Variants in GPX6 observed in about 807,000 individuals in gnomAD.
GPX6 encodes the protein glutathione peroxidase 6 (olfactory).
GPX6 carries 21 observed loss-of-function variants against 20.0 expected under a neutral mutation model. That is an observed-to-expected ratio of 1.05 (90% CI 0.74 to 1.51). The LOEUF (loss-of-function observed/expected upper bound fraction) is 1.51, where lower values mean the gene tolerates loss of function less well. Ranked by LOEUF, GPX6 falls within the 40% of genes most tolerant of loss-of-function variation. The probability of loss-of-function intolerance (pLI) is 0.00; values close to 1 mark genes in which losing one functional copy is unlikely to be tolerated. For missense variants in GPX6, 233 were observed against 254.7 expected (o/e 0.91, Z 0.58); for synonymous variants, 75 against 98.0 (o/e 0.77, Z 1.38).
chr6:28,506,543 G>T, intron 2 of GPX6, 114 bp from the exon 3 acceptor site: 1 of 679,142 alleles, frequency 1.5e-6, no homozygotes, highest in Non-Finnish European at 2.7e-6. Flanking sequence ...ACTAAGAAGG[G>T]AAAGATTCAA....
rs929706470 is a variant in GPX6 at position 28,503,393 on chromosome 6, A to T, written c.*899T>A. 9 of 152,322 alleles carry T rather than the reference A, an allele frequency of 5.9e-5. No homozygotes were observed. Among genetic ancestry groups the T allele is most frequent in the African/African-American group, 2.2e-4 (9 of 41,460 alleles). The allele number at this position is 152,322 out of a possible 1,614,324, so 9.4% of individuals were successfully genotyped here. A position where few individuals can be genotyped will look rare whatever the true frequency, so the allele number is the denominator to read the frequency against. Reference sequence around the variant, plus strand: ...ACAAGGGAATCAAGAAAGCAGGGACAAAGTGACAGAGAAAGAAGAAGTATG... The same window carrying T: ...ACAAGGGAATCAAGAAAGCAGGGACTAAGTGACAGAGAAAGAAGAAGTATG... On this transcript the variant is annotated 3_prime_UTR_variant, in exon 5 of 5. Transcript: ENST00000361902.
At chr6:28,514,308 T>C (rs146741250) in intron 1 of GPX6, among the ~76,000 whole-genome samples, 15 of 152,294 alleles carry the variant, frequency 9.8e-5, no homozygotes, top group African/African-American at 3.6e-4. Context: ...AAGAGCTCAA[T>C]CCTTCCTACC....
At chr6:28,511,868 C>T (rs1164648253) in intron 1 of GPX6, among the ~76,000 whole-genome samples, 1 of 152,238 alleles carries the variant, frequency 6.6e-6, no homozygotes, top group Admixed American at 6.5e-5. Flanking sequence ...ACCAGGGCTG[C>T]GCGTGGCACT....
At chr6:28,511,639 G>A (rs542372738) in intron 1 of GPX6, among the ~76,000 whole-genome samples, 2 of 152,286 alleles carry the variant, frequency 1.3e-5, no homozygotes, top group African/African-American at 2.4e-5. Flanking sequence ...TGGACGTGGA[G>A]AGCAATGCAC....
chr6:28,510,509 T>C (rs1032842457), intron 2 of GPX6, among the ~76,000 whole-genome samples: 2 of 152,234 alleles, frequency 1.3e-5, no homozygotes, highest in African/African-American at 2.4e-5. Flanking sequence ...ACATTCAACT[T>C]GTTCAACTGC....
At chr6:28,513,096 G>C (rs1224522747) in intron 1 of GPX6, among the ~76,000 whole-genome samples, 2 of 152,220 alleles carry the variant, frequency 1.3e-5, no homozygotes, top group Admixed American at 6.5e-5. Context: ...AGTTTGGCCG[G>C]GCTCCAGGGA....
chr6:28,505,650 G>T, intron 4 of GPX6, 53 bp downstream of exon 4: 1 of 1,417,336 alleles, frequency 7.1e-7, no homozygotes, highest in Non-Finnish European at 1.0e-6. Flanking sequence ...GAGCCCCACT[G>T]CTTTCAGAGC....
chr6:28,506,190 A>T (rs1581837432), intron 3 of GPX6, 122 bp downstream of exon 3: 1 of 707,512 alleles, frequency 1.4e-6, no homozygotes, highest in East Asian at 2.5e-5. Context: ...CATCATAAGG[A>T]TATGCTTCAA....
At chr6:28,512,716 C>T (rs1445672208) in intron 1 of GPX6, among the ~76,000 whole-genome samples, 1 of 152,168 alleles carries the variant, frequency 6.6e-6, no homozygotes, top group Non-Finnish European at 1.5e-5. Context: ...TTCTTGGGGT[C>T]CACACTGCCT....
At chr6:28,512,651 C>T (rs1301932755) in intron 1 of GPX6, among the ~76,000 whole-genome samples, 3 of 152,182 alleles carry the variant, frequency 2.0e-5, no homozygotes, top group African/African-American at 4.8e-5. Flanking sequence ...GGTCCCCTTC[C>T]ACACTGTGGG....
intron 4 of GPX6, among the ~76,000 whole-genome samples, 156 bp downstream of exon 4, chr6:28,505,547 C>T (rs577925723): frequency 2.0e-5 from 3 of 152,308 alleles, no homozygotes; most frequent in Non-Finnish European, 1.5e-5. Context: ...GTTTCCTCTA[C>T]TTAAAGCTAA....
intron 4 of GPX6, among the ~76,000 whole-genome samples, chr6:28,505,336 G>A (rs1016797476): frequency 6.6e-6 from 1 of 152,200 alleles, no homozygotes; most frequent in Non-Finnish European, 1.5e-5. Flanking sequence ...GACTCTAAAA[G>A]CATTTACCAC....
chr6:28,512,785 C>T (rs1762917489), intron 1 of GPX6, among the ~76,000 whole-genome samples: 1 of 152,132 alleles, frequency 6.6e-6, no homozygotes, highest in African/African-American at 2.4e-5. Context: ...GCCAGCGAGA[C>T]CACGAACCCA....
In GPX6 at chr6:28,505,681, T is replaced by C. The variant is rs759827122; in HGVS notation, c.459+22A>G. 3 of 1,581,154 alleles carry C rather than the reference T, an allele frequency of 1.9e-6. No individual in the cohort carries two copies. The South Asian group carries it at 3.3e-5, about 18-fold the overall frequency. On this transcript the variant is annotated intron_variant, in intron 4 of 4. Transcript: ENST00000361902. ...AGAGCATTTCTAGCTAACCCATCCA[T>C]GCCAGGTTTATACTCATGCACCTTC...
At chr6:28,509,189 T>C (rs1432370620) in intron 2 of GPX6, among the ~76,000 whole-genome samples, 1 of 152,156 alleles carries the variant, frequency 6.6e-6, no homozygotes, top group South Asian at 2.1e-4. Context: ...GCTGAACAGA[T>C]AATAGTGTCA....
At chr6:28,506,558 ACAGAGAT>A (rs1213878130) in intron 2 of GPX6, 129 bp from the exon 3 acceptor site, 2 of 651,982 alleles carry the variant, frequency 3.1e-6, no homozygotes, top group African/African-American at 3.7e-5. Flanking sequence ...ATTCAAGGTT[ACAGAGAT>A]CAAAGGAGTA....
chr6:28,513,426 C>T (rs1014041800), intron 1 of GPX6, among the ~76,000 whole-genome samples: 3 of 152,174 alleles, frequency 2.0e-5, no homozygotes, highest in Non-Finnish European at 4.4e-5. Flanking sequence ...CCTCTGCTCC[C>T]GTACAGGTTT....
At chr6:28,510,639 T>C in intron 2 of GPX6, 112 bp downstream of exon 2, 1 of 996,000 alleles carries the variant, frequency 1.0e-6, no homozygotes. Flanking sequence ...TAGAGTCACC[T>C]GATCAGTTCT....
Position 28,504,338 on chromosome 6 carries a change from A to T in GPX6, c.620T>A (p.Val207Asp), listed in dbSNP as rs1372397499. The change falls in exon 5 of 5, where the codon GTC becomes GAC. Residue 207 changes from valine (V) to aspartate (D), a missense_variant. Physicochemically the swap from Val to Asp is radical, Grantham distance 152. Transcript: ENST00000361902. Reference sequence around the variant, plus strand: ...TAGGTACTCCAGGATGTCTGACTTGACTGTGCTGACTGGAGCCTGGTGGAA... The same window carrying T: ...TAGGTACTCCAGGATGTCTGACTTGTCTGTGCTGACTGGAGCCTGGTGGAA... ...HWFHQAPVSTVKSDILEYLKQ... is the reference protein window; with the variant it reads ...HWFHQAPVSTDKSDILEYLKQ... The T allele has an allele frequency of 6.2e-7, 1 of 1,614,118 alleles. No homozygotes were observed. The highest frequency in any genetic ancestry group is 1.7e-5 in the Admixed American group (1 of 60,014).
Sources: allele counts gnomAD v4.1 joint callset (sites outside exome capture counted in the v4.1 genomes callset), GRCh38; gene constraint gnomAD v4.1.1; transcripts MANE v1.5; gene names NCBI Gene and HGNC (gene_info 2026-07-23, HGNC 2026-07-21).